The following NEO1 variants were observed in gnomAD, a reference collection of about 807,000 sequenced individuals.
The protein encoded by NEO1 is neogenin.
In NEO1, 63 loss-of-function variants were observed where a neutral mutation model predicts 159.7. The ratio of observed to expected loss-of-function variants is 0.39; its 90% CI spans 0.32 to 0.49. The LOEUF (loss-of-function observed/expected upper bound fraction) is 0.49, where lower values mean the gene tolerates loss of function less well. NEO1 is among the 20% of genes least tolerant of loss of function. The pLI, the probability that NEO1 is intolerant of heterozygous loss-of-function variation, is 0.85. For missense variants in NEO1, 1,615 were observed against 1,831.0 expected (o/e 0.88, Z 2.15); for synonymous variants, 633 against 662.0 (o/e 0.96, Z 0.67).
At chr15:73,219,341 C>A (rs969103747) in intron 7 of NEO1, among the ~76,000 whole-genome samples, 34 of 132,182 alleles carry the variant, frequency 2.6e-4, no homozygotes, top group East Asian at 4.8e-4. Flanking sequence ...CTTTACTTCC[C>A]AGTATGTGGT....
At chr15:73,120,547 A>G (rs1030257136) in intron 2 of NEO1, among the ~76,000 whole-genome samples, 1 of 151,912 alleles carries the variant, frequency 6.6e-6, no homozygotes, top group African/African-American at 2.4e-5. Context: ...TTTTATTCTG[A>G]GCATAGCAAT....
At chr15:73,159,519 G>A (rs1028491395) in intron 5 of NEO1, among the ~76,000 whole-genome samples, 10 of 151,782 alleles carry the variant, frequency 6.6e-5, no homozygotes, top group Admixed American at 3.9e-4. Flanking sequence ...AAGTTTTGGC[G>A]AAAACCACAT....
intron 1 of NEO1, among the ~76,000 whole-genome samples, chr15:73,068,471 C>A (rs1290986534): frequency 2.0e-5 from 3 of 152,230 alleles, no homozygotes; most frequent in African/African-American, 7.2e-5. Context: ...CTTGGCCTCG[C>A]AAAGTACTGG....
At chr15:73,105,396 A>G (rs1230696575) in intron 1 of NEO1, among the ~76,000 whole-genome samples, 1 of 152,226 alleles carries the variant, frequency 6.6e-6, no homozygotes, top group Admixed American at 6.5e-5. Context: ...CAACAACCCA[A>G]TGCAGTGTTT....
At chr15:73,166,654 T>C (rs1220672392) in intron 5 of NEO1, among the ~76,000 whole-genome samples, 2 of 152,184 alleles carry the variant, frequency 1.3e-5, no homozygotes, top group Non-Finnish European at 2.9e-5. Flanking sequence ...TGTAGGTAGA[T>C]TTTCTGATTT....
At chr15:73,126,312 C>T (rs1262374465) in intron 3 of NEO1, 105 bp from the exon 4 acceptor site, 2 of 1,035,366 alleles carry the variant, frequency 1.9e-6, no homozygotes, top group Admixed American at 5.0e-5. Context: ...TCAAGCAGTC[C>T]TCCCTCCTCG....
At chr15:73,146,023 T>G (rs1187275882) in intron 5 of NEO1, among the ~76,000 whole-genome samples, 1 of 152,188 alleles carries the variant, frequency 6.6e-6, no homozygotes, top group African/African-American at 2.4e-5. Context: ...GCCTAGAATG[T>G]TCCTCCTTCC....
At chr15:73,087,237 T>C (rs2069416862) in intron 1 of NEO1, among the ~76,000 whole-genome samples, 1 of 152,230 alleles carries the variant, frequency 6.6e-6, no homozygotes, top group Non-Finnish European at 1.5e-5. Flanking sequence ...GTCAAATACA[T>C]TTCTGCATCT....
intron 7 of NEO1, among the ~76,000 whole-genome samples, chr15:73,202,298 C>T (rs2036944135): frequency 6.6e-6 from 1 of 152,016 alleles, no homozygotes; most frequent in Admixed American, 6.6e-5. Context: ...AGTCATGTGG[C>T]TTTTTAATGA....
intron 1 of NEO1, among the ~76,000 whole-genome samples, chr15:73,054,068 A>G (rs1378111411): frequency 6.6e-6 from 1 of 152,266 alleles, no homozygotes; most frequent in Admixed American, 6.5e-5. Flanking sequence ...CAAATTAAAC[A>G]TCACTTATGT....
Position 73,303,454 on chromosome 15 carries a change from T to G in NEO1, c.*758T>G, listed in dbSNP as rs895386141. ...AAATGTAACATTGAAAAGACTTGTT[T>G]GTTGCTTTCTGTGCAGTTTCAGTAT... On this transcript the variant is annotated 3_prime_UTR_variant, in exon 29 of 29. Transcript: ENST00000261908. 1 of 151,672 alleles carries G rather than the reference T, an allele frequency of 6.6e-6. No individual in the cohort carries two copies. Among genetic ancestry groups the G allele is most frequent in the Admixed American group, 6.6e-5 (1 of 15,188 alleles). 9.4% of individuals were successfully genotyped at this position (151,672 alleles called of 1,614,324 possible). A position where few individuals can be genotyped will look rare whatever the true frequency, so the allele number is the denominator to read the frequency against.
chr15:73,103,709 C>A (rs1322767195), intron 1 of NEO1, among the ~76,000 whole-genome samples: 1 of 152,140 alleles, frequency 6.6e-6, no homozygotes, highest in African/African-American at 2.4e-5. Context: ...CACTCTACAC[C>A]AGGCAGGGTT....
At chr15:73,173,521 A>G (rs1268963336) in intron 5 of NEO1, among the ~76,000 whole-genome samples, 3 of 152,148 alleles carry the variant, frequency 2.0e-5, no homozygotes, top group Admixed American at 6.5e-5. Context: ...TAGTAAGTCT[A>G]GTTTGTTTCG....
intron 8 of NEO1, 118 bp downstream of exon 8, chr15:73,236,624 G>A: frequency 3.6e-6 from 3 of 834,300 alleles, no homozygotes; most frequent in Non-Finnish European, 5.9e-6. Context: ...AGATCACTGA[G>A]ATGCACCTTC....
intron 9 of NEO1, among the ~76,000 whole-genome samples, chr15:73,248,406 C>T (rs1187330497): frequency 6.6e-6 from 1 of 152,184 alleles, no homozygotes; most frequent in African/African-American, 2.4e-5. Context: ...TTTCAACATT[C>T]TCTCTCCCAT....
intron 4 of NEO1, among the ~76,000 whole-genome samples, chr15:73,132,676 A>G (rs1224410991): frequency 2.6e-5 from 4 of 152,216 alleles, no homozygotes; most frequent in Admixed American, 2.0e-4. Context: ...AAGGAACTCA[A>G]ACAAATCAGT....
chr15:73,138,409 A>C (rs1044688334), intron 5 of NEO1, among the ~76,000 whole-genome samples: 1 of 152,252 alleles, frequency 6.6e-6, no homozygotes, highest in African/African-American at 2.4e-5. Context: ...CACTTTTGGA[A>C]TAAATACTCA....
chr15:73,273,876 G>A lies in NEO1; in HGVS notation c.3031G>A (p.Val1011Met). The change falls in exon 20 of 29, where the codon GTG (valine) becomes ATG (methionine). Residue 1011 changes from valine (V) to methionine (M), a missense_variant. Physicochemically the swap from Val to Met is conservative, Grantham distance 21. Transcript: ENST00000261908. ...ACATGACTGGGTTATTGAGCCTGTT[G>A]TGGGAAACAGACTGACTCACCAGAT... ...EIHDWVIEPV[V>M]GNRLTHQIQE... 6.2e-7 allele frequency: 1 copy of A among 1,614,108 alleles called. No homozygotes were observed. The highest frequency in any genetic ancestry group is 1.1e-5 in the South Asian group (1 of 91,080).
At chr15:73,198,983 A>G (rs1295985379) in intron 7 of NEO1, among the ~76,000 whole-genome samples, 1 of 150,334 alleles carries the variant, frequency 6.7e-6, no homozygotes, top group Non-Finnish European at 1.5e-5. Context: ...ACAAAAGTTC[A>G]AACTTTATTC....
Sources: gnomAD v4.1 joint callset for allele counts (sites outside exome capture counted in the v4.1 genomes callset) on GRCh38, gnomAD v4.1.1 for gene constraint, MANE v1.5 for transcripts, NCBI Gene and HGNC (gene_info 2026-07-23, HGNC 2026-07-21) for gene names.